TCF12: variants seen among roughly 807,000 people sequenced by gnomAD.
TCF12 encodes transcription factor 12, also known as DNA-binding protein HTF4.
Under a neutral mutation model 86.0 loss-of-function variants are expected in TCF12, and 45 were observed. The observed-to-expected ratio is 0.52, with a 90% CI of 0.41 to 0.67. The LOEUF is 0.67. Ranked by LOEUF, TCF12 falls within the 30% of genes least tolerant of loss-of-function variation. The pLI, the probability that TCF12 is intolerant of heterozygous loss-of-function variation, is 0.00. For synonymous variants in TCF12, 330 were observed against 299.6 expected (o/e 1.10, Z -1.05); for missense variants, 881 against 859.9 (o/e 1.02, Z -0.31).
chr15:57,022,883 A>T (rs2065584475), intron 3 of TCF12, among the ~76,000 whole-genome samples: 1 of 152,152 alleles, frequency 6.6e-6, no homozygotes, highest in Non-Finnish European at 1.5e-5. Flanking sequence ...TGACTAGTAG[A>T]AGGAAATAGT....
At chr15:56,943,718 G>C (rs550496680) in intron 3 of TCF12, among the ~76,000 whole-genome samples, 1 of 152,254 alleles carries the variant, frequency 6.6e-6, no homozygotes, top group East Asian at 1.9e-4. Context: ...TTAATATCCT[G>C]TTACCAAATA....
intron 5 of TCF12, among the ~76,000 whole-genome samples, chr15:57,145,382 A>G (rs557010182): frequency 6.6e-6 from 1 of 152,312 alleles, no homozygotes; most frequent in African/African-American, 2.4e-5. Context: ...TCATTTATAA[A>G]TGATTTCTCA....
intron 18 of TCF12, among the ~76,000 whole-genome samples, chr15:57,270,861 C>A (rs1487783956): frequency 6.6e-6 from 1 of 152,182 alleles, no homozygotes; most frequent in African/African-American, 2.4e-5. Flanking sequence ...GAGGTCCACT[C>A]CAGACCCTCT....
intron 16 of TCF12, among the ~76,000 whole-genome samples, chr15:57,259,471 A>G (rs2060488549): frequency 6.6e-6 from 1 of 152,240 alleles, no homozygotes; most frequent in African/African-American, 2.4e-5. Context: ...TCATCAACTA[A>G]TTAGATTTAA....
At chr15:57,235,297 C>A (rs548768083) in intron 12 of TCF12, among the ~76,000 whole-genome samples, 1 of 152,196 alleles carries the variant, frequency 6.6e-6, no homozygotes, top group South Asian at 2.1e-4. Flanking sequence ...TCAAGAAAGC[C>A]CTGTAAGGTT....
At position 57,144,586 on chromosome 15, in the gene TCF12, C is replaced by T. The variant is rs905850499; in HGVS notation, c.326-21816C>T. 3.2e-4 allele frequency among the ~76,000 whole-genome samples: 49 copies of T among 152,212 alleles called. 1 individual carries two copies. Among genetic ancestry groups the T allele is most frequent in the African/African-American group, 8.4e-4 (35 of 41,526 alleles). The stretch of plus-strand genomic sequence containing the variant: ...TTGGGTAAGTCAAATCATCAAATGA[C>T]GTAACTTCGTTTGTTTTTCCCTCTC... On this transcript the variant is annotated intron_variant, in intron 5 of 20. Coordinates refer to ENST00000333725, the MANE Select transcript of TCF12 (RefSeq NM_207037.2).
chr15:57,290,667 G>A (rs144012500), downstream of TCF12, among the ~76,000 whole-genome samples: 325 of 152,274 alleles, frequency 2.1e-3, 1 homozygote, highest in East Asian at 0.018. Flanking sequence ...AAAGATTGCC[G>A]GTGAAGGAGG....
chr15:57,069,925 C>G (rs1382070829), intron 4 of TCF12, among the ~76,000 whole-genome samples: 3 of 152,222 alleles, frequency 2.0e-5, no homozygotes, highest in African/African-American at 7.2e-5. Flanking sequence ...AGAGCTTGAG[C>G]ATTAAAATCA....
rs1310489881 is a variant in TCF12, at chr15:57,287,693, G to A, written c.*1548G>A. 1.3e-5 allele frequency: 2 copies of A among 152,630 alleles called. No homozygotes were observed. Among genetic ancestry groups the A allele is most frequent in the African/African-American group, 2.4e-5 (1 of 41,440 alleles). The allele number at this position is 152,630 out of a possible 1,614,324, so 9.5% of individuals were successfully genotyped here. ...CAGAGGAAAGGACCCAAATCACTAT[G>A]TAGCTTAAAGATTTCTGTTAATTTG... is the stretch of plus-strand genomic sequence containing the variant. On this transcript the variant is annotated 3_prime_UTR_variant, in exon 21 of 21. Transcript: ENST00000333725.
At chr15:57,116,237 A>G (rs1460277407) in intron 5 of TCF12, among the ~76,000 whole-genome samples, 1 of 152,192 alleles carries the variant, frequency 6.6e-6, no homozygotes, top group Non-Finnish European at 1.5e-5. Context: ...ACATATACAC[A>G]TTTTCACAGG....
intron 6 of TCF12, among the ~76,000 whole-genome samples, chr15:57,170,026 C>A (rs1395169535): frequency 6.6e-6 from 1 of 152,138 alleles, no homozygotes; most frequent in African/African-American, 2.4e-5. Context: ...ACTGAACCAG[C>A]CATTGAACTA....
At chr15:57,262,981 A>C in intron 17 of TCF12, 131 bp from the exon 18 acceptor site, 1 of 879,582 alleles carries the variant, frequency 1.1e-6, no homozygotes, top group East Asian at 2.7e-5. Context: ...ACTTTCCTAC[A>C]TCTTCAAACC....
chr15:56,951,937 T>C (rs2061294582), intron 3 of TCF12, among the ~76,000 whole-genome samples: 1 of 152,180 alleles, frequency 6.6e-6, no homozygotes, highest in South Asian at 2.1e-4. Context: ...TGCCAGCCAC[T>C]GCACACGGCC....
intron 6 of TCF12, among the ~76,000 whole-genome samples, chr15:57,190,853 A>G (rs1264348218): frequency 1.3e-5 from 2 of 152,206 alleles, no homozygotes; most frequent in African/African-American, 4.8e-5. Context: ...AGGCTAGCAT[A>G]TACATTGGTT....
intron 5 of TCF12, among the ~76,000 whole-genome samples, chr15:57,158,191 T>TTG (rs1229038082): frequency 6.7e-6 from 1 of 149,224 alleles, no homozygotes; most frequent in Non-Finnish European, 1.5e-5. Flanking sequence ...GTCGTTTCTT[T>TTG]TTTTTTTTTT....
intron 4 of TCF12, among the ~76,000 whole-genome samples, chr15:57,079,360 A>G (rs1231834354): frequency 1.3e-5 from 2 of 152,162 alleles, no homozygotes; most frequent in African/African-American, 4.8e-5. Context: ...CACTAGAATC[A>G]TGGCCATGGA....
chr15:57,220,975 A>G (rs1215618283), intron 8 of TCF12, among the ~76,000 whole-genome samples: 2 of 152,192 alleles, frequency 1.3e-5, no homozygotes, highest in African/African-American at 4.8e-5. Flanking sequence ...AAATGGGCTT[A>G]AAATTAGATA....
At chr15:56,921,743 C>A (rs2059803257) in intron 3 of TCF12, among the ~76,000 whole-genome samples, 1 of 151,902 alleles carries the variant, frequency 6.6e-6, no homozygotes, top group Non-Finnish European at 1.5e-5. Context: ...TCAGTAATGC[C>A]TCTTTGATGG....
chr15:57,087,319 G>C (rs1177294653), intron 4 of TCF12, among the ~76,000 whole-genome samples: 1 of 151,668 alleles, frequency 6.6e-6, no homozygotes, highest in Non-Finnish European at 1.5e-5. Context: ...GGCTGAAGTG[G>C]GAGGATTGCT....
Sources: gnomAD v4.1 joint callset for allele counts (sites outside exome capture counted in the v4.1 genomes callset) on GRCh38, gnomAD v4.1.1 for gene constraint, MANE v1.5 for transcripts, NCBI Gene and HGNC (gene_info 2026-07-23, HGNC 2026-07-21) for gene names.